WWC1: variants seen among roughly 807,000 people sequenced by gnomAD.
WWC1 encodes the protein protein KIBRA.
A neutral mutation model predicts 138.4 loss-of-function variants in WWC1; 55 were observed. The observed-to-expected ratio is 0.40, with a 90% CI of 0.32 to 0.50. The LOEUF is 0.50. Ranked by LOEUF, WWC1 falls within the 20% of genes least tolerant of loss-of-function variation. The pLI, the probability that WWC1 is intolerant of heterozygous loss-of-function variation, is 0.72. For missense variants in WWC1, 1,226 were observed against 1,420.4 expected, an observed-to-expected ratio of 0.86 and a Z score of 2.20; for synonymous variants, 524 against 564.9, an observed-to-expected ratio of 0.93 and a Z score of 1.03.
intron 3 of WWC1, among the ~76,000 whole-genome samples, chr5:168,385,738 A>T (rs1777994257): frequency 6.6e-6 from 1 of 152,240 alleles, no homozygotes; most frequent in South Asian, 2.1e-4. Context: ...GTTTGGGAAG[A>T]AGAAAATTTC....
intron 17 of WWC1, 73 bp from the exon 18 acceptor site, chr5:168,453,895 G>A: frequency 6.3e-7 from 1 of 1,593,668 alleles, no homozygotes; most frequent in Non-Finnish European, 8.5e-7. Context: ...GCCCTACCTT[G>A]GGTGTATTAA....
At chr5:168,448,588 A>G (rs976874040) in intron 17 of WWC1, among the ~76,000 whole-genome samples, 16 of 151,076 alleles carry the variant, frequency 1.1e-4, no homozygotes, top group Non-Finnish European at 2.2e-4. Context: ...ATATTTTAAT[A>G]GACATCATAG....
intron 1 of WWC1, among the ~76,000 whole-genome samples, chr5:168,295,275 C>T (rs915496617): frequency 2.6e-5 from 4 of 151,850 alleles, no homozygotes; most frequent in South Asian, 2.1e-4. Context: ...ACCCTTCTGC[C>T]GCTCTTACCT....
At position 168,399,381 on chromosome 5, in the gene WWC1, T is replaced by C; in HGVS notation, c.511-107T>C. ...CGCAAGGGGTGCTGACCTGAGTCAT[T>C]ATGCAGGCGCAGTGGGAGGCTCTGG... On this transcript the variant is annotated intron_variant, in intron 4 of 22. Transcript: ENST00000265293. The C allele has an allele frequency of 2.6e-6, 3 of 1,141,628 alleles. No individual in the cohort carries two copies. The South Asian group carries it at 4.2e-5, about 16-fold the overall frequency. The allele number at this position is 1,141,628 out of a possible 1,614,324, so 70.7% of individuals were successfully genotyped here. A position where few individuals can be genotyped will look rare whatever the true frequency, so the allele number is the denominator to read the frequency against.
chr5:168,429,256 ATTT>A (rs67280988), intron 13 of WWC1, among the ~76,000 whole-genome samples: 13 of 116,386 alleles, frequency 1.1e-4, no homozygotes, highest in African/African-American at 2.1e-4. Flanking sequence ...TATGATCTCA[ATTT>A]TTTTTTTTTT....
chr5:168,319,829 A>C (rs1314115780), intron 1 of WWC1, among the ~76,000 whole-genome samples: 1 of 152,134 alleles, frequency 6.6e-6, no homozygotes, highest in Non-Finnish European at 1.5e-5. Context: ...ATTTTTCGAG[A>C]AACTGCCATC....
intron 22 of WWC1, 60 bp downstream of exon 22, chr5:168,468,024 T>C (rs1413089664): frequency 1.9e-6 from 3 of 1,604,716 alleles, no homozygotes; most frequent in East Asian, 4.5e-5. Context: ...GGCCTTAGTC[T>C]TCTGTCTGTG....
At chr5:168,445,729 T>G (rs377230176) in intron 17 of WWC1, among the ~76,000 whole-genome samples, 1,763 of 131,006 alleles carry the variant, frequency 0.013, 33 homozygotes, top group African/African-American at 0.049. Flanking sequence ...AAAAAAAGAG[T>G]AAGCAGTCCA....
chr5:168,464,474 G>A (rs567701935), intron 20 of WWC1, among the ~76,000 whole-genome samples: 154 of 152,060 alleles, frequency 1.0e-3, no homozygotes, highest in Non-Finnish European at 1.9e-3. Context: ...GATAACCCTC[G>A]GGACCTCCTA....
intron 22 of WWC1, 63 bp downstream of exon 22, chr5:168,468,027 T>C (rs1489721736): frequency 4.4e-6 from 7 of 1,603,282 alleles, no homozygotes; most frequent in Middle Eastern, 1.7e-4. Context: ...CTTAGTCTTC[T>C]GTCTGTGGTC....
At chr5:168,370,638 C>G (rs1374779701) in intron 1 of WWC1, among the ~76,000 whole-genome samples, 1 of 152,182 alleles carries the variant, frequency 6.6e-6, no homozygotes, top group Non-Finnish European at 1.5e-5. Context: ...TTCCCAGCTT[C>G]CCATACTCTG....
At chr5:168,443,752 A>C (rs1437696818) in intron 16 of WWC1, among the ~76,000 whole-genome samples, 1 of 152,340 alleles carries the variant, frequency 6.6e-6, no homozygotes, top group South Asian at 2.1e-4. Flanking sequence ...AGAAAATGTC[A>C]GGAATTTTTC....
At chr5:168,390,378 A>G (rs1465775809) in intron 3 of WWC1, among the ~76,000 whole-genome samples, 3 of 152,206 alleles carry the variant, frequency 2.0e-5, no homozygotes, top group African/African-American at 7.2e-5. Flanking sequence ...AGTAAACAAT[A>G]CAGTTCCTCA....
In WWC1 at chr5:168,399,543, A is replaced by G. The variant is rs1469559539; in HGVS notation, c.566A>G (p.Glu189Gly). The change falls in exon 5 of 23, where the codon GAG becomes GGG. Residue 189 changes from glutamate (E) to glycine (G), a missense_variant. By Grantham distance (98) the Glu-to-Gly change is moderately conservative. Transcript: ENST00000265293. ...CTCCAGCACGAGCTGCAGTTCAAAG[A>G]GCGTGGCTTTCAGACCCTGAAGAAG... The part of the protein sequence containing the change: ...VHLQHELQFK[E>G]RGFQTLKKID... 1.9e-6 allele frequency: 3 copies of G among 1,614,076 alleles called. No homozygotes were observed. Among genetic ancestry groups the G allele is most frequent in the East Asian group, 2.2e-5 (1 of 44,876 alleles).
At chr5:168,361,054 G>C (rs1775843166) in intron 1 of WWC1, among the ~76,000 whole-genome samples, 1 of 152,226 alleles carries the variant, frequency 6.6e-6, no homozygotes, top group Admixed American at 6.5e-5. Flanking sequence ...GCCTGGGGTT[G>C]TGTGCCAGGT....
At chr5:168,437,342 T>A (rs2152866177) in intron 15 of WWC1, among the ~76,000 whole-genome samples, 1 of 152,338 alleles carries the variant, frequency 6.6e-6, no homozygotes, top group East Asian at 1.9e-4. Flanking sequence ...GTACATGTTA[T>A]CTCTACATTT....
At chr5:168,385,881 C>T (rs568720572) in intron 3 of WWC1, among the ~76,000 whole-genome samples, 6 of 152,206 alleles carry the variant, frequency 3.9e-5, no homozygotes, top group African/African-American at 1.4e-4. Flanking sequence ...AATCAAATGC[C>T]CTTCAGTGGC....
chr5:168,342,119 G>A (rs1178660717), intron 1 of WWC1, among the ~76,000 whole-genome samples: 5 of 152,234 alleles, frequency 3.3e-5, no homozygotes, highest in Non-Finnish European at 5.9e-5. Context: ...GGAAGTTTCA[G>A]TGGAAGTGAA....
chr5:168,468,470 A>C (rs2152898917), intron 22 of WWC1, among the ~76,000 whole-genome samples: 1 of 151,902 alleles, frequency 6.6e-6, no homozygotes, highest in African/African-American at 2.4e-5. Context: ...CCTCTCAAAC[A>C]AGGTACACAT....
Sources: gnomAD v4.1 joint callset for allele counts (sites outside exome capture counted in the v4.1 genomes callset) on GRCh38, gnomAD v4.1.1 for gene constraint, MANE v1.5 for transcripts, NCBI Gene and HGNC (gene_info 2026-07-23, HGNC 2026-07-21) for gene names.